Variants in MOB3A observed in about 807,000 individuals in gnomAD.
MOB3A encodes the protein MOB LAK.
MOB3A carries 17 observed loss-of-function variants against 17.8 expected under a neutral mutation model. That is an observed-to-expected ratio of 0.95 (90% CI 0.65 to 1.43). The LOEUF (loss-of-function observed/expected upper bound fraction) is 1.43. Among genes scored for constraint, MOB3A ranks in the 40% most tolerant of loss-of-function variants. The pLI, the probability that MOB3A is intolerant of heterozygous loss-of-function variation, is 0.00. For synonymous variants in MOB3A, 124 were observed against 133.2 expected (o/e 0.93, Z 0.48); for missense variants, 333 against 310.8 (o/e 1.07, Z -0.54).
In MOB3A at chr19:2,074,226, G is replaced by A. The variant is rs536057891; in HGVS notation, c.625-802C>T. ...GGGGAATCACTTGAACCTGTGAGGT[G>A]GAGGTTGCAGTGGCTGAGATCAAAC... is the stretch of plus-strand genomic sequence containing the variant. On this transcript the variant is annotated intron_variant, in intron 4 of 4. Transcript: ENST00000357066. 1.4e-3 allele frequency among the ~76,000 whole-genome samples: 217 copies of A among 152,160 alleles called. 1 individual carries two copies. Among genetic ancestry groups the A allele is most frequent in the Non-Finnish European group, 2.0e-3 (138 of 68,020 alleles).
chr19:2,080,915 TA>T (rs1457198669), intron 2 of MOB3A, among the ~76,000 whole-genome samples: 1 of 152,078 alleles, frequency 6.6e-6, no homozygotes, highest in East Asian at 1.9e-4. Context: ...GTGAGGTAGG[TA>T]GATGGCTTGC....
chr19:2,077,044 G>A (rs1408479429), intron 3 of MOB3A, 31 bp from the exon 4 acceptor site: 2 of 1,588,016 alleles, frequency 1.3e-6, no homozygotes, highest in African/African-American at 1.3e-5. Flanking sequence ...CGGGTCCACG[G>A]ACTCAGCCAA....
chr19:2,080,657 A>G (rs953796047), intron 2 of MOB3A, among the ~76,000 whole-genome samples: 1 of 152,004 alleles, frequency 6.6e-6, no homozygotes, highest in Non-Finnish European at 1.5e-5. Flanking sequence ...ATTGCAAGCG[A>G]GCACCACCGC....
intron 2 of MOB3A, among the ~76,000 whole-genome samples, chr19:2,083,264 A>T (rs1260098606): frequency 6.6e-6 from 1 of 152,122 alleles, no homozygotes; most frequent in Non-Finnish European, 1.5e-5. Context: ...GGGGCCGGGG[A>T]GCCCGGGACG....
At chr19:2,073,484 A>T in intron 4 of MOB3A, 60 bp from the exon 5 acceptor site, 1 of 1,608,174 alleles carries the variant, frequency 6.2e-7, no homozygotes, top group Non-Finnish European at 8.5e-7. Flanking sequence ...GGTGATGCGA[A>T]CAGCAGACAC....
At chr19:2,087,465 C>T (rs756893983) in intron 1 of MOB3A, among the ~76,000 whole-genome samples, 1 of 152,192 alleles carries the variant, frequency 6.6e-6, no homozygotes, top group African/African-American at 2.4e-5. Context: ...CCAGCCTGGG[C>T]AACATAGTGA....
intron 1 of MOB3A, among the ~76,000 whole-genome samples, chr19:2,087,502 G>C (rs2017567055): frequency 1.3e-5 from 2 of 152,278 alleles, no homozygotes; most frequent in South Asian, 2.1e-4. Flanking sequence ...AAATAGTTAA[G>C]AAATTAGCCA....
At chr19:2,075,370 C>A (rs2145717780) in intron 4 of MOB3A, among the ~76,000 whole-genome samples, 1 of 152,290 alleles carries the variant, frequency 6.6e-6, no homozygotes, top group East Asian at 1.9e-4. Context: ...AGTGGTGGCT[C>A]CCACCTGTCA....
In MOB3A at chr19:2,072,387, G is replaced by C. The variant is rs1261382150; in HGVS notation, c.*1008C>G. 1 of 152,152 alleles carries C rather than the reference G, an allele frequency of 6.6e-6. No homozygotes were observed. Among genetic ancestry groups the C allele is most frequent in the Non-Finnish European group, 1.5e-5 (1 of 68,042 alleles). 9.4% of individuals were successfully genotyped at this position (152,152 alleles called of 1,614,324 possible). ...ACCCAGGAGGTGGAGGATGCAGTGA[G>C]CCGAGATTGTGCCACTGGACTCCAG... On this transcript the variant is annotated 3_prime_UTR_variant, in exon 5 of 5. Coordinates refer to ENST00000357066, the MANE Select transcript of MOB3A (RefSeq NM_130807.3).
chr19:2,084,279 G>A, intron 2 of MOB3A: 2 of 408,170 alleles, frequency 4.9e-6, no homozygotes, highest in Middle Eastern at 3.5e-4. Context: ...GATCACTTGA[G>A]GTCAGGAGTT....
intron 2 of MOB3A, among the ~76,000 whole-genome samples, chr19:2,079,472 CG>C (rs760850099): frequency 1.3e-5 from 2 of 152,188 alleles, no homozygotes; most frequent in Non-Finnish European, 2.9e-5. Context: ...GAGGCAGATA[CG>C]GGGGAGACGG....
intron 1 of MOB3A, among the ~76,000 whole-genome samples, chr19:2,090,910 C>T (rs2017607081): frequency 6.6e-6 from 1 of 152,242 alleles, no homozygotes. Flanking sequence ...GATCCGCCCA[C>T]CTTGGCCTCC....
At chr19:2,081,448 C>T (rs1250858454) in intron 2 of MOB3A, among the ~76,000 whole-genome samples, 1 of 151,956 alleles carries the variant, frequency 6.6e-6, no homozygotes, top group Non-Finnish European at 1.5e-5. Flanking sequence ...ATTAGCCAGA[C>T]ATGGTGGCGG....
chr19:2,081,179 G>A (rs1226244858), intron 2 of MOB3A, among the ~76,000 whole-genome samples: 1 of 152,062 alleles, frequency 6.6e-6, no homozygotes, highest in African/African-American at 2.4e-5. Flanking sequence ...CAGGGCTTAG[G>A]GTTAGGGTAC....
chr19:2,077,616 G>C (rs2145720197), intron 3 of MOB3A, among the ~76,000 whole-genome samples: 1 of 152,044 alleles, frequency 6.6e-6, no homozygotes, highest in East Asian at 1.9e-4. Flanking sequence ...TGAGAACACT[G>C]GGCCCAGCAC....
In MOB3A at chr19:2,084,188, G is replaced by A. The variant is rs779139626; in HGVS notation, c.-120+987C>T. 26 of 480,108 alleles carry A rather than the reference G, an allele frequency of 5.4e-5. No individual in the cohort carries two copies. In the Admixed American group the frequency reaches 5.5e-4, roughly 10 times the overall value. 29.7% of individuals were successfully genotyped at this position (480,108 alleles called of 1,614,324 possible). On this transcript the variant is annotated intron_variant, in intron 2 of 4. Transcript: ENST00000357066. ...TTGTAAACTTCCTCTTGGCATGTCT[G>A]TCTCCTTTCAGAAGGTGAGGGGTGC...
chr19:2,083,677 C>G (rs954962531), intron 2 of MOB3A, among the ~76,000 whole-genome samples: 2 of 152,250 alleles, frequency 1.3e-5, no homozygotes, highest in African/African-American at 4.8e-5. Context: ...GGCCGACTCA[C>G]AGCCAACTTT....
rs1188474944 is a variant in MOB3A at position 2,073,365 on chromosome 19, G to A, written c.*30C>T. 8 of 1,612,520 alleles carry A rather than the reference G, an allele frequency of 5.0e-6. No individual in the cohort carries two copies. Among genetic ancestry groups the A allele is most frequent in the South Asian group, 2.2e-5 (2 of 91,074 alleles). On this transcript the variant is annotated 3_prime_UTR_variant, in exon 5 of 5. Coordinates refer to ENST00000357066, the MANE Select transcript of MOB3A (RefSeq NM_130807.3). The stretch of plus-strand genomic sequence containing the variant: ...TCCAAGTCTCCGAGGCCCCAGCGGC[G>A]GTTCGGGCACCGGGAGACCCGCGGG...
At chr19:2,096,129 T>G (rs1396995689) in intron 1 of MOB3A, 97 bp downstream of exon 1, 2 of 153,246 alleles carry the variant, frequency 1.3e-5, no homozygotes, top group African/African-American at 4.8e-5. Flanking sequence ...GGTTCGCCCT[T>G]CCTGAGAACT....
Sources: gnomAD v4.1 joint callset for allele counts (sites outside exome capture counted in the v4.1 genomes callset) on GRCh38, gnomAD v4.1.1 for gene constraint, MANE v1.5 for transcripts, NCBI Gene and HGNC (gene_info 2026-07-23, HGNC 2026-07-21) for gene names.